ABCA12: variants seen among roughly 807,000 people sequenced by gnomAD.
The protein encoded by ABCA12 is glucosylceramide transporter ABCA12.
ABCA12 carries 156 observed loss-of-function variants against 293.5 expected under a neutral mutation model. The ratio of observed to expected loss-of-function variants is 0.53; its 90% CI spans 0.47 to 0.61. The LOEUF (loss-of-function observed/expected upper bound fraction) is 0.61, where lower values mean the gene tolerates loss of function less well. ABCA12 is among the 20% of genes least tolerant of loss of function. The pLI, the probability that ABCA12 is intolerant of heterozygous loss-of-function variation, is 0.00. For missense variants in ABCA12, 2,797 were observed against 3,090.2 expected, an observed-to-expected ratio of 0.91 and a Z score of 2.25; for synonymous variants, 1,063 against 1,108.0, an observed-to-expected ratio of 0.96 and a Z score of 0.81.
In ABCA12 at chr2:215,047,413, T is replaced by C. The variant is rs573791660; in HGVS notation, c.694-1398A>G. On this transcript the variant is annotated intron_variant, in intron 6 of 52. Transcript: ENST00000272895. ...CAGGGCTACAGTAACCAAAACAGCA[T>C]GGTACTGGTACAAAAACAGACACAT... 3.3e-5 allele frequency among the ~76,000 whole-genome samples: 5 copies of C among 152,246 alleles called. No homozygotes were observed. In the East Asian group the frequency reaches 7.7e-4, roughly 24 times the overall value.
chr2:215,027,105 G>A (rs1453569959), intron 9 of ABCA12, among the ~76,000 whole-genome samples, 167 bp from the exon 10 acceptor site: 3 of 152,168 alleles, frequency 2.0e-5, no homozygotes, highest in South Asian at 4.1e-4. Context: ...AGCACTTCGG[G>A]AGGCCGAGAC....
intron 1 of ABCA12, among the ~76,000 whole-genome samples, chr2:215,120,052 G>A (rs546053559): frequency 6.6e-6 from 1 of 152,120 alleles, no homozygotes; most frequent in African/African-American, 2.4e-5. Context: ...AGAAAATGTG[G>A]TACATATACA....
At chr2:214,937,240 C>A (rs1487740226) in intron 51 of ABCA12, among the ~76,000 whole-genome samples, 1 of 152,036 alleles carries the variant, frequency 6.6e-6, no homozygotes, top group Non-Finnish European at 1.5e-5. Flanking sequence ...GCTTTGTCAC[C>A]CAGGCTGGAG....
intron 13 of ABCA12, 95 bp downstream of exon 13, chr2:215,019,241 T>A: frequency 8.9e-7 from 1 of 1,119,082 alleles, no homozygotes; most frequent in Non-Finnish European, 1.3e-6. Context: ...CAAAGCGAGT[T>A]TGGTTGGGAA....
intron 3 of ABCA12, among the ~76,000 whole-genome samples, chr2:215,055,160 T>A (rs1402680321): frequency 6.6e-6 from 1 of 152,106 alleles, no homozygotes; most frequent in African/African-American, 2.4e-5. Flanking sequence ...ATTTATTGAA[T>A]ACCCAGTATG....
intron 15 of ABCA12, among the ~76,000 whole-genome samples, chr2:215,014,536 G>T (rs1250539727): frequency 1.3e-5 from 2 of 152,106 alleles, no homozygotes; most frequent in Non-Finnish European, 2.9e-5. Context: ...ATCAAATGGA[G>T]ATCCACTGGA....
rs748695468 is a variant in ABCA12 at position 214,997,741 on chromosome 2, G to A, written c.3248C>T (p.Ala1083Val). ...LMVAWVVFIA[A>V]FVKKLVYEKD... is the part of the protein sequence containing the mutation. ...CTCATAGACAAGCTTTTTTACAAAG[G>A]CAGCTATAAATACAACCCAGGCAAC... Residue 1083 changes from alanine (A) to valine (V), a missense_variant, in exon 23 of 53, where the codon GCC becomes GTC. Coordinates refer to ENST00000272895, the MANE Select transcript of ABCA12 (RefSeq NM_173076.3). 1 of 1,613,334 alleles carries A rather than the reference G, an allele frequency of 6.2e-7. No individual in the cohort carries two copies. Among genetic ancestry groups the A allele is most frequent in the African/African-American group, 1.3e-5 (1 of 74,860 alleles).
chr2:215,006,747 C>T (rs1452869462), intron 19 of ABCA12, among the ~76,000 whole-genome samples: 1 of 152,092 alleles, frequency 6.6e-6, no homozygotes, highest in African/African-American at 2.4e-5. Context: ...ACCATTCCTG[C>T]CAATTTTCTT....
chr2:215,031,607 A>G (rs1700879183), intron 9 of ABCA12, among the ~76,000 whole-genome samples: 1 of 152,140 alleles, frequency 6.6e-6, no homozygotes, highest in African/African-American at 2.4e-5. Context: ...TGAAAAAGAG[A>G]TTTTCTTGTG....
intron 1 of ABCA12, among the ~76,000 whole-genome samples, chr2:215,127,158 G>C (rs948372732): frequency 3.3e-5 from 5 of 152,104 alleles, no homozygotes; most frequent in African/African-American, 7.2e-5. Flanking sequence ...CTGAGAAAGT[G>C]CTTGATATAA....
intron 9 of ABCA12, among the ~76,000 whole-genome samples, chr2:215,030,686 G>T (rs1700857746): frequency 1.3e-5 from 2 of 152,144 alleles, no homozygotes; most frequent in South Asian, 4.1e-4. Context: ...GTTGCTCTGG[G>T]AGAAGCACCT....
intron 1 of ABCA12, among the ~76,000 whole-genome samples, chr2:215,121,565 G>T (rs966168211): frequency 2.0e-5 from 3 of 152,098 alleles, no homozygotes; most frequent in African/African-American, 7.2e-5. Context: ...TTCCCATGAG[G>T]AACCTTACTT....
intron 2 of ABCA12, among the ~76,000 whole-genome samples, chr2:215,094,884 C>G (rs1022541950): frequency 1.3e-5 from 2 of 152,172 alleles, no homozygotes; most frequent in African/African-American, 4.8e-5. Context: ...GGTGCTCCCT[C>G]TCATCTTTTC....
intron 36 of ABCA12, among the ~76,000 whole-genome samples, chr2:214,970,909 A>ATG (rs755995115): frequency 1.9e-4 from 29 of 152,042 alleles, no homozygotes; most frequent in Non-Finnish European, 3.5e-4. Context: ...ATATGTATAT[A>ATG]TGTGTGTATA....
intron 1 of ABCA12, among the ~76,000 whole-genome samples, chr2:215,135,654 C>T (rs1294287353): frequency 1.3e-5 from 2 of 152,106 alleles, no homozygotes; most frequent in African/African-American, 4.8e-5. Flanking sequence ...AAGTCTAGTT[C>T]CTACAAAAAC....
At chr2:215,064,401 TG>T (rs1340992309) in intron 2 of ABCA12, among the ~76,000 whole-genome samples, 182 bp from the exon 3 acceptor site, 1 of 152,044 alleles carries the variant, frequency 6.6e-6, no homozygotes, top group African/African-American at 2.4e-5. Context: ...GAGGGTGTTA[TG>T]TTTAACTTCC....
chr2:215,138,356 A>G lies in ABCA12; in HGVS notation c.-148T>C, dbSNP rs1703276592. On this transcript the variant is annotated 5_prime_UTR_variant, in exon 1 of 53. Transcript: ENST00000272895. ...TTGAGGGCTGGGGTAAGAAACCCACAGTTCTTCTGTTTCTGCTGGATTTTT... is the reference window on the plus strand; with the variant it reads ...TTGAGGGCTGGGGTAAGAAACCCACGGTTCTTCTGTTTCTGCTGGATTTTT... 3 of 817,556 alleles carry G rather than the reference A, an allele frequency of 3.7e-6. No homozygotes were observed. The highest frequency in any genetic ancestry group is 4.5e-4 in the Middle Eastern group (2 of 4,454). 50.6% of individuals were successfully genotyped at this position (817,556 alleles called of 1,614,324 possible).
intron 3 of ABCA12, among the ~76,000 whole-genome samples, chr2:215,061,624 T>C (rs1701530194): frequency 6.6e-6 from 1 of 152,110 alleles, no homozygotes; most frequent in South Asian, 2.1e-4. Context: ...ATATCATTAA[T>C]GCAACTTTAT....
chr2:215,034,972 G>A (rs1255003644), intron 8 of ABCA12, among the ~76,000 whole-genome samples: 1 of 152,170 alleles, frequency 6.6e-6, no homozygotes, highest in Non-Finnish European at 1.5e-5. Context: ...AGGGAGAAAG[G>A]ATGTTCATTT....
Sources: gnomAD v4.1 joint callset for allele counts (sites outside exome capture counted in the v4.1 genomes callset) on GRCh38, gnomAD v4.1.1 for gene constraint, MANE v1.5 for transcripts, NCBI Gene and HGNC (gene_info 2026-07-23, HGNC 2026-07-21) for gene names.